Variants in PLCB1 observed in about 807,000 individuals in gnomAD.
The protein encoded by PLCB1 is 1-phosphatidylinositol 4,5-bisphosphate phosphodiesterase beta-1.
Under a neutral mutation model 161.8 loss-of-function variants are expected in PLCB1, and 46 were observed. That is an observed-to-expected ratio of 0.28 (90% CI 0.22 to 0.36). PLCB1 has a LOEUF of 0.36. Among genes scored for constraint, PLCB1 ranks in the 10% least tolerant of loss-of-function variants. PLCB1 has a pLI of 1.00. For missense variants in PLCB1, 1,016 were observed against 1,472.5 expected (o/e 0.69, Z 5.07); for synonymous variants, 517 against 503.7 (o/e 1.03, Z -0.35).
chr20:8,753,335 A>G (rs1981580185), intron 23 of PLCB1, among the ~76,000 whole-genome samples: 1 of 152,178 alleles, frequency 6.6e-6, no homozygotes, highest in Admixed American at 6.5e-5. Flanking sequence ...CCCCTGGTCC[A>G]TGAAAAAATT....
intron 2 of PLCB1, among the ~76,000 whole-genome samples, chr20:8,198,248 G>C (rs1306055054): frequency 1.3e-5 from 2 of 152,062 alleles, no homozygotes; most frequent in African/African-American, 4.8e-5. Context: ...AATTACCTTG[G>C]GCAGTATGGC....
At position 8,376,167 on chromosome 20, in the gene PLCB1, G is replaced by A. The variant is rs138359037; in HGVS notation, c.246+4717G>A. 5.7e-3 allele frequency among the ~76,000 whole-genome samples: 870 copies of A among 152,254 alleles called. 12 individuals carry two copies. The highest frequency in any genetic ancestry group is 0.02 in the African/African-American group (824 of 41,548). ...CAACTTCCAGCTCTCAAGAATGCAC[G>A]CAGCAATGTCATTGAAAAATATTTT... On this transcript the variant is annotated intron_variant, in intron 3 of 31. Transcript: ENST00000338037.
intron 2 of PLCB1, among the ~76,000 whole-genome samples, chr20:8,210,675 T>G (rs1297729731): frequency 6.6e-6 from 1 of 152,134 alleles, no homozygotes; most frequent in African/African-American, 2.4e-5. Flanking sequence ...TATCTGAAGT[T>G]TATGGGTATT....
chr20:8,438,273 T>G (rs1980398102), intron 3 of PLCB1, among the ~76,000 whole-genome samples: 1 of 152,298 alleles, frequency 6.6e-6, no homozygotes, highest in Non-Finnish European at 1.5e-5. Context: ...AGCAAATAAT[T>G]TCCATATTAT....
intron 4 of PLCB1, among the ~76,000 whole-genome samples, chr20:8,630,343 C>A (rs1329091455): frequency 6.6e-6 from 1 of 152,072 alleles, no homozygotes; most frequent in Non-Finnish European, 1.5e-5. Flanking sequence ...TGATTATTGG[C>A]AGGGATTTAT....
chr20:8,647,945 T>C lies in PLCB1; in HGVS notation c.510T>C (p.Pro170=). Residue 170 remains proline (P), a synonymous_variant, in exon 6 of 32, where the codon CCT becomes CCC. Coordinates refer to ENST00000338037, the MANE Select transcript of PLCB1 (RefSeq NM_015192.4). ...AAGTCACTCCAGAAGGGCGTATTCC[T>C]CTCAAAAAGTAAGCTTTGTGAGCAT... ...KLQVTPEGRI[P]LKNIYRLFSA... The C allele has an allele frequency of 6.4e-7, 1 of 1,564,844 alleles. No homozygotes were observed. Among genetic ancestry groups the C allele is most frequent in the Non-Finnish European group, 8.6e-7 (1 of 1,160,242 alleles).
intron 3 of PLCB1, among the ~76,000 whole-genome samples, chr20:8,528,828 G>A (rs1984682514): frequency 6.6e-6 from 1 of 151,708 alleles, no homozygotes; most frequent in Admixed American, 6.6e-5. Context: ...ATGAAAACAA[G>A]GGGCGAAAAG....
At chr20:8,387,337 A>G (rs547992863) in intron 3 of PLCB1, among the ~76,000 whole-genome samples, 19 of 152,282 alleles carry the variant, frequency 1.2e-4, no homozygotes, top group African/African-American at 3.4e-4. Context: ...CCTAATTTCA[A>G]TATTGTTGTG....
chr20:8,698,596 G>T (rs576423573), intron 11 of PLCB1, among the ~76,000 whole-genome samples: 1 of 152,256 alleles, frequency 6.6e-6, no homozygotes, highest in Admixed American at 6.5e-5. Flanking sequence ...GTCAAGTTGG[G>T]TTTGTTTGCT....
At chr20:8,666,720 A>C (rs1292849169) in intron 9 of PLCB1, among the ~76,000 whole-genome samples, 5 of 152,230 alleles carry the variant, frequency 3.3e-5, no homozygotes, top group African/African-American at 4.8e-5. Context: ...TTTAGAAGTT[A>C]GTGATCGATG....
rs1198511106 is a variant in PLCB1 at position 8,642,794 on chromosome 20, T to G, written c.385-3308T>G. On this transcript the variant is annotated intron_variant, in intron 4 of 31. Coordinates refer to ENST00000338037, the MANE Select transcript of PLCB1 (RefSeq NM_015192.4). The stretch of plus-strand genomic sequence containing the variant: ...CCCAACTCTTTCTAATGCTGTACCT[T>G]TTTCTGGCGTGAAACTAGCCTCTGG... 3.3e-5 allele frequency among the ~76,000 whole-genome samples: 5 copies of G among 152,210 alleles called. No homozygotes were observed. The East Asian group carries it at 9.6e-4, about 29-fold the overall frequency.
chr20:8,417,087 T>A (rs1204950270), intron 3 of PLCB1, among the ~76,000 whole-genome samples: 11 of 106,320 alleles, frequency 1.0e-4, no homozygotes, highest in African/African-American at 1.5e-4. Flanking sequence ...TTTTTTTTTT[T>A]TTTTTTTTTT....
intron 2 of PLCB1, among the ~76,000 whole-genome samples, chr20:8,347,728 T>C (rs1009245585): frequency 2.6e-5 from 4 of 152,322 alleles, no homozygotes; most frequent in Non-Finnish European, 1.5e-5. Flanking sequence ...TAACAACCAA[T>C]GAATGGACTT....
chr20:8,630,142 C>T (rs1025449991), intron 4 of PLCB1, among the ~76,000 whole-genome samples: 2 of 147,814 alleles, frequency 1.4e-5, no homozygotes, highest in African/African-American at 2.5e-5. Flanking sequence ...GGTAGTGGCT[C>T]CTGCACTCCA....
intron 12 of PLCB1, among the ~76,000 whole-genome samples, 157 bp downstream of exon 12, chr20:8,708,909 A>G (rs1015620403): frequency 6.6e-6 from 1 of 152,228 alleles, no homozygotes; most frequent in Non-Finnish European, 1.5e-5. Flanking sequence ...GATGGAATTC[A>G]CTTAAAATAA....
intron 1 of PLCB1, among the ~76,000 whole-genome samples, chr20:8,143,679 A>G (rs569380706): frequency 1.1e-3 from 164 of 152,356 alleles, no homozygotes; most frequent in Non-Finnish European, 1.9e-3. Context: ...TGGAGGGAAC[A>G]GCAGGTGTGG....
intron 2 of PLCB1, among the ~76,000 whole-genome samples, chr20:8,365,262 G>T (rs1000569222): frequency 3.3e-5 from 5 of 152,256 alleles, no homozygotes; most frequent in African/African-American, 1.2e-4. Context: ...TTTGAGGGAA[G>T]AACTTACATT....
chr20:8,796,276 T>G (rs531218213), intron 31 of PLCB1, among the ~76,000 whole-genome samples: 32 of 152,266 alleles, frequency 2.1e-4, no homozygotes, highest in Non-Finnish European at 4.0e-4. Context: ...CTCTGACATC[T>G]TTGTAACAGG....
At chr20:8,719,686 A>G (rs1979519706) in intron 14 of PLCB1, among the ~76,000 whole-genome samples, 1 of 152,170 alleles carries the variant, frequency 6.6e-6, no homozygotes, top group Non-Finnish European at 1.5e-5. Context: ...AGAGCCTTCT[A>G]GAGATTGGTT....
Sources: gnomAD v4.1 joint callset for allele counts (sites outside exome capture counted in the v4.1 genomes callset) on GRCh38, gnomAD v4.1.1 for gene constraint, MANE v1.5 for transcripts, NCBI Gene and HGNC (gene_info 2026-07-23, HGNC 2026-07-21) for gene names.